The following SPTLC3 variants were observed in gnomAD, a reference collection of about 807,000 sequenced individuals.
The protein encoded by SPTLC3 is serine palmitoyltransferase long chain base subunit 3.
Under a neutral mutation model 59.3 loss-of-function variants are expected in SPTLC3, and 36 were observed. The ratio of observed to expected loss-of-function variants is 0.61; its 90% CI spans 0.47 to 0.80. SPTLC3 has a LOEUF of 0.80. Among genes scored for constraint, SPTLC3 ranks in the 30% least tolerant of loss-of-function variants. The pLI, the probability that SPTLC3 is intolerant of heterozygous loss-of-function variation, is 0.00. For synonymous variants in SPTLC3, 257 were observed against 240.8 expected (o/e 1.07, Z -0.62); for missense variants, 625 against 685.1 (o/e 0.91, Z 0.98).
chr20:13,091,825 C>T (rs1989232467), intron 5 of SPTLC3, among the ~76,000 whole-genome samples: 2 of 152,142 alleles, frequency 1.3e-5, no homozygotes, highest in South Asian at 4.1e-4. Context: ...ATTTATTAAG[C>T]ATTTATTTGG....
At position 13,051,580 on chromosome 20, in the gene SPTLC3, C is replaced by T. The variant is rs1386735415; in HGVS notation, c.303+2450C>T. Reference sequence around the variant, plus strand: ...AATGGATTTAAACTATACCTTGGAACAAATGGACTTAACAGATATATACAG... The same window carrying T: ...AATGGATTTAAACTATACCTTGGAATAAATGGACTTAACAGATATATACAG... On this transcript the variant is annotated intron_variant, in intron 2 of 11. Transcript: ENST00000399002. 7.9e-5 allele frequency among the ~76,000 whole-genome samples: 12 copies of T among 152,308 alleles called. No individual in the cohort carries two copies. In the East Asian group the frequency reaches 2.1e-3, roughly 27 times the overall value.
intron 4 of SPTLC3, among the ~76,000 whole-genome samples, chr20:13,078,205 A>G (rs1352715228): frequency 1.6e-5 from 1 of 63,738 alleles, no homozygotes; most frequent in East Asian, 2.8e-4. Context: ...TAAATATTTT[A>G]TAAGTAATAA....
chr20:13,140,033 T>C (rs1319092735), intron 9 of SPTLC3, among the ~76,000 whole-genome samples: 1 of 152,156 alleles, frequency 6.6e-6, no homozygotes, highest in African/African-American at 2.4e-5. Flanking sequence ...CCCAAAGCTG[T>C]GTACTTTCTG....
rs146719013 is a variant in SPTLC3, at chr20:13,036,455, T to C, written c.118-12490T>C. On this transcript the variant is annotated intron_variant, in intron 1 of 11. Transcript: ENST00000399002. ...CTTAATGAAAAGAAAATACATGTCC[T>C]CTCCCTTATGATTTTCTTAATAACA... 1.8e-4 allele frequency among the ~76,000 whole-genome samples: 28 copies of C among 152,230 alleles called. 1 individual carries two copies. Among genetic ancestry groups the C allele is most frequent in the Middle Eastern group, 6.8e-3 (2 of 294 alleles).
chr20:13,017,410 G>A (rs1043628414), intron 1 of SPTLC3, among the ~76,000 whole-genome samples: 6 of 152,108 alleles, frequency 3.9e-5, no homozygotes, highest in Non-Finnish European at 7.4e-5. Context: ...GAGATAGTCT[G>A]GCTTTCAGGA....
At chr20:13,059,213 A>G (rs1423856610) in intron 2 of SPTLC3, among the ~76,000 whole-genome samples, 2 of 150,784 alleles carry the variant, frequency 1.3e-5, no homozygotes, top group Non-Finnish European at 2.9e-5. Flanking sequence ...GTTTTATTTC[A>G]GTGCCCTAAA....
chr20:13,092,335 G>A (rs1266667501), intron 5 of SPTLC3, among the ~76,000 whole-genome samples: 2 of 152,192 alleles, frequency 1.3e-5, no homozygotes, highest in Non-Finnish European at 2.9e-5. Flanking sequence ...GAAGTTGGCT[G>A]GTTCATTGCA....
intron 7 of SPTLC3, among the ~76,000 whole-genome samples, chr20:13,113,727 G>T (rs889903028): frequency 6.6e-6 from 1 of 152,126 alleles, no homozygotes; most frequent in African/African-American, 2.4e-5. Context: ...GTTGGCAGAG[G>T]CCCAGCCCAT....
chr20:13,144,685 C>T (rs753483317), intron 9 of SPTLC3, among the ~76,000 whole-genome samples: 1 of 152,208 alleles, frequency 6.6e-6, no homozygotes, highest in Non-Finnish European at 1.5e-5. Flanking sequence ...CACAGTTACC[C>T]AGTGAGTTTT....
chr20:13,067,597 G>T (rs921019934), intron 2 of SPTLC3, among the ~76,000 whole-genome samples: 4 of 152,044 alleles, frequency 2.6e-5, no homozygotes, highest in Admixed American at 2.6e-4. Flanking sequence ...GGAACTTTTA[G>T]AAGAGTGGTA....
chr20:13,085,919 C>A (rs1988991031), intron 4 of SPTLC3, among the ~76,000 whole-genome samples: 2 of 152,048 alleles, frequency 1.3e-5, no homozygotes, highest in Non-Finnish European at 2.9e-5. Context: ...TTGAGCATAA[C>A]ACTGAATAAA....
In SPTLC3 at chr20:13,160,103, G is replaced by A; in HGVS notation, c.1516G>A (p.Ala506Thr). Residue 506 changes from alanine (A) to threonine (T), a missense_variant, in exon 11 of 12, where the codon GCG (alanine) becomes ACG (threonine). Ala to Thr is a moderately conservative substitution (Grantham distance 58). Transcript: ENST00000399002. Reference sequence around the variant, plus strand: ...AGCTCGGGCTCGGTTTTGTGTTTCAGCGGCACATACCCGGGAGATGTTAGA... The same window carrying A: ...AGCTCGGGCTCGGTTTTGTGTTTCAACGGCACATACCCGGGAGATGTTAGA... ...AEARARFCVS[A>T]AHTREMLDTV... is the part of the protein sequence containing the mutation. 6.2e-7 allele frequency: 1 copy of A among 1,613,902 alleles called. No individual in the cohort carries two copies. Among genetic ancestry groups the A allele is most frequent in the Non-Finnish European group, 8.5e-7 (1 of 1,179,942 alleles).
chr20:13,068,618 C>T (rs1343737797), intron 2 of SPTLC3, among the ~76,000 whole-genome samples: 1 of 152,030 alleles, frequency 6.6e-6, no homozygotes, highest in Non-Finnish European at 1.5e-5. Flanking sequence ...GTTCATTCAC[C>T]GATCAGATCT....
At chr20:13,075,531 G>T (rs546934548) in intron 4 of SPTLC3, among the ~76,000 whole-genome samples, 19 of 152,288 alleles carry the variant, frequency 1.2e-4, no homozygotes, top group African/African-American at 4.3e-4. Context: ...ATTGGCTAAA[G>T]CTCTAGAGTT....
At position 13,010,717 on chromosome 20, in the gene SPTLC3, T is replaced by C. The variant is rs186953213; in HGVS notation, c.117+1333T>C. ...GCCACTACTCAAGACGATCCTTGCC[T>C]CTGGAATGCCTGTAACTCACAAGCT... On this transcript the variant is annotated intron_variant, in intron 1 of 11. Transcript: ENST00000399002. Among the ~76,000 whole-genome samples, 45 of 152,330 alleles carry C rather than the reference T, an allele frequency of 3.0e-4. 2 individuals carry two copies. The highest frequency in any genetic ancestry group is 2.0e-4 in the Admixed American group (3 of 15,300).
At chr20:13,067,827 T>C (rs1318251137) in intron 2 of SPTLC3, among the ~76,000 whole-genome samples, 2 of 152,216 alleles carry the variant, frequency 1.3e-5, no homozygotes, top group African/African-American at 4.8e-5. Flanking sequence ...AGGACAATTA[T>C]ATAAAATACA....
chr20:13,064,708 A>G (rs1045936428), intron 2 of SPTLC3, among the ~76,000 whole-genome samples: 3 of 152,178 alleles, frequency 2.0e-5, no homozygotes, highest in African/African-American at 7.2e-5. Context: ...TTCTGTGTAT[A>G]CTTTAGAATT....
chr20:13,008,994 G>T lies in SPTLC3; in HGVS notation c.-274G>T. The T allele has an allele frequency of 3.2e-6, 1 of 309,720 alleles. No homozygotes were observed. Among genetic ancestry groups the T allele is most frequent in the Non-Finnish European group, 6.1e-6 (1 of 165,114 alleles). The allele number at this position is 309,720 out of a possible 1,614,324, so 19.2% of individuals were successfully genotyped here. A position where few individuals can be genotyped will look rare whatever the true frequency, so the allele number is the denominator to read the frequency against. ...CTCAGTCCCCAGAAGGAGCCAGCATGGACAATCTCCTTTACAGTTTCGGAA... is the reference window on the plus strand; with the variant it reads ...CTCAGTCCCCAGAAGGAGCCAGCATTGACAATCTCCTTTACAGTTTCGGAA... On this transcript the variant is annotated 5_prime_UTR_variant, in exon 1 of 12. The change abolishes an upstream ATG in the 5' untranslated region. Coordinates refer to ENST00000399002, the MANE Select transcript of SPTLC3 (RefSeq NM_018327.4).
intron 10 of SPTLC3, among the ~76,000 whole-genome samples, chr20:13,155,712 G>A (rs2038753027): frequency 6.6e-6 from 1 of 152,102 alleles, no homozygotes; most frequent in South Asian, 2.1e-4. Flanking sequence ...TGTAGTCCCA[G>A]CTACTCGGGA....
Sources: allele counts gnomAD v4.1 joint callset (sites outside exome capture counted in the v4.1 genomes callset), GRCh38; gene constraint gnomAD v4.1.1; transcripts MANE v1.5; gene names NCBI Gene and HGNC (gene_info 2026-07-23, HGNC 2026-07-21).